The following C14orf132 variants were observed in gnomAD, a reference collection of about 807,000 sequenced individuals.
C14orf132 encodes the protein uncharacterized protein C14orf132.
Under a neutral mutation model 5.8 loss-of-function variants are expected in C14orf132, and 6 were observed. The observed-to-expected ratio is 1.03, with a 90% CI of 0.57 to 2.04. The LOEUF (loss-of-function observed/expected upper bound fraction) is 2.04. Ranked by LOEUF, C14orf132 falls within the 30% of genes most tolerant of loss-of-function variation. The probability of loss-of-function intolerance (pLI) is 0.00; values close to 1 mark genes in which losing one functional copy is unlikely to be tolerated. For synonymous variants in C14orf132, 51 were observed against 49.8 expected (o/e 1.02, Z -0.10); for missense variants, 125 against 115.8 (o/e 1.08, Z -0.37).
chr14:96,059,387 A>G (rs903730563), intron 1 of C14orf132, among the ~76,000 whole-genome samples: 2 of 152,222 alleles, frequency 1.3e-5, no homozygotes, highest in Non-Finnish European at 2.9e-5. Flanking sequence ...TAGTAATGAC[A>G]CAGCTTGACA....
At chr14:96,057,487 A>G (rs1037588569) in intron 1 of C14orf132, among the ~76,000 whole-genome samples, 1 of 152,204 alleles carries the variant, frequency 6.6e-6, no homozygotes, top group Non-Finnish European at 1.5e-5. Context: ...ACCGGTTCCA[A>G]TGGCTGGAGC....
rs1888396916 is a variant in C14orf132 at position 96,091,279 on chromosome 14, A to C, written c.*4544A>C. The C allele has an allele frequency of 2.9e-6, 1 of 344,994 alleles. No individual in the cohort carries two copies. Among genetic ancestry groups the C allele is most frequent in the East Asian group, 7.7e-5 (1 of 13,044 alleles). 21.4% of individuals were successfully genotyped at this position (344,994 alleles called of 1,614,324 possible). On this transcript the variant is annotated 3_prime_UTR_variant, in exon 2 of 2. Coordinates refer to ENST00000555004, the MANE Select transcript of C14orf132 (RefSeq NM_001252507.3). ...GAAGAGCTTATAGCCAGATTGCCAC[A>C]TTCAAGTGTAAGTCCAGGAAAGGGG... is the stretch of plus-strand genomic sequence containing the variant.
intron 1 of C14orf132, among the ~76,000 whole-genome samples, chr14:96,081,912 T>TTTG (rs1225834875): frequency 6.6e-6 from 1 of 152,136 alleles, no homozygotes; most frequent in African/African-American, 2.4e-5. Flanking sequence ...CAAATGTTTT[T>TTTG]TTGTTGTTGT....
At chr14:96,048,484 C>T (rs530498238) in intron 1 of C14orf132, among the ~76,000 whole-genome samples, 1 of 152,198 alleles carries the variant, frequency 6.6e-6, no homozygotes, top group South Asian at 2.1e-4. Flanking sequence ...TAATATGCAC[C>T]TAAGGCTTGA....
chr14:96,050,913 G>A (rs1180855826), intron 1 of C14orf132, among the ~76,000 whole-genome samples: 1 of 152,084 alleles, frequency 6.6e-6, no homozygotes, highest in Non-Finnish European at 1.5e-5. Context: ...GGCTGGATGT[G>A]GAATTTTCAT....
chr14:96,044,886 ACT>A lies in C14orf132; in HGVS notation c.27+5362_27+5363del, dbSNP rs537178413. Among the ~76,000 whole-genome samples, 54 of 152,132 alleles carry A rather than the reference ACT, an allele frequency of 3.5e-4. 1 individual carries two copies. Among genetic ancestry groups the A allele is most frequent in the African/African-American group, 1.2e-3 (51 of 41,504 alleles). ...TCTTAACTTGATTACATCTGCAGAG[ACT>A]CTGTTTCTAAATAAGGACATATTCA... On this transcript the variant is annotated intron_variant, in intron 1 of 1. Transcript: ENST00000555004.
intron 1 of C14orf132, among the ~76,000 whole-genome samples, chr14:96,044,568 A>G (rs1886783855): frequency 6.6e-6 from 1 of 152,170 alleles, no homozygotes; most frequent in Non-Finnish European, 1.5e-5. Flanking sequence ...GTTTAAAACA[A>G]CAGAAATTCA....
intron 1 of C14orf132, among the ~76,000 whole-genome samples, chr14:96,071,481 C>T (rs1887704957): frequency 6.6e-6 from 1 of 152,202 alleles, no homozygotes; most frequent in South Asian, 2.1e-4. Flanking sequence ...GCAAGCAAGC[C>T]AGTCTCTTCT....
At chr14:96,083,813 G>A (rs753088508) in intron 1 of C14orf132, among the ~76,000 whole-genome samples, 14 of 152,342 alleles carry the variant, frequency 9.2e-5, no homozygotes, top group South Asian at 4.1e-4. Flanking sequence ...GCAGCGACAG[G>A]AAACTGACCT....
At chr14:96,049,525 TAC>T (rs1886941603) in intron 1 of C14orf132, among the ~76,000 whole-genome samples, 3 of 138,446 alleles carry the variant, frequency 2.2e-5, no homozygotes, top group Non-Finnish European at 3.1e-5. Flanking sequence ...CGTATATATA[TAC>T]ACATATATAC....
chr14:96,051,332 G>T, intron 1 of C14orf132: 1 of 397,336 alleles, frequency 2.5e-6, no homozygotes, highest in Non-Finnish European at 4.4e-6. Context: ...AGCAGAGATG[G>T]GTTCTTTAGG....
At position 96,039,545 on chromosome 14, in the gene C14orf132, C is replaced by A; in HGVS notation, c.27+18C>A. The A allele has an allele frequency of 6.7e-7, 1 of 1,499,702 alleles. No individual in the cohort carries two copies. The highest frequency in any genetic ancestry group is 2.7e-5 in the East Asian group (1 of 37,126). The allele number at this position is 1,499,702 out of a possible 1,614,324, so 92.9% of individuals were successfully genotyped here. A position where few individuals can be genotyped will look rare whatever the true frequency, so the allele number is the denominator to read the frequency against. On this transcript the variant is annotated intron_variant, in intron 1 of 1. Coordinates refer to ENST00000555004, the MANE Select transcript of C14orf132 (RefSeq NM_001252507.3). This position sits in a 1 kb window ranked among gnomAD's most constrained non-coding sequence, Gnocchi z 5.3. ...CCGCGCAGGTAACGGGGCGTCCCCCCCACGCGCCCCGGGCCGCCAAGTTTG... is the reference window on the plus strand; with the variant it reads ...CCGCGCAGGTAACGGGGCGTCCCCCACACGCGCCCCGGGCCGCCAAGTTTG...
chr14:96,053,951 C>A (rs1439901029), intron 1 of C14orf132, among the ~76,000 whole-genome samples: 3 of 152,180 alleles, frequency 2.0e-5, no homozygotes, highest in Non-Finnish European at 4.4e-5. Context: ...GCATAGGAGA[C>A]CCTCAGGGCT....
intron 1 of C14orf132, among the ~76,000 whole-genome samples, chr14:96,074,626 C>G (rs567941780): frequency 6.6e-6 from 1 of 151,190 alleles, no homozygotes; most frequent in South Asian, 2.1e-4. Flanking sequence ...TTCTGTCTCT[C>G]TATATATTGT....
At chr14:96,054,617 G>A (rs1401940515) in intron 1 of C14orf132, among the ~76,000 whole-genome samples, 2 of 152,168 alleles carry the variant, frequency 1.3e-5, no homozygotes, top group African/African-American at 4.8e-5. Context: ...AAACTGTGCA[G>A]GGCAGCATGG....
chr14:96,061,509 G>A lies in C14orf132; in HGVS notation c.27+21982G>A, dbSNP rs952322994. 5.3e-5 allele frequency among the ~76,000 whole-genome samples: 8 copies of A among 152,314 alleles called. No homozygotes were observed. In the South Asian group the frequency reaches 1.7e-3, roughly 32 times the overall value. Reference sequence around the variant, plus strand: ...AGAGCTAGAGCTGTGTGTGATGAACGTCTGCAGTGGCAGATATGATTCACT... The same window carrying A: ...AGAGCTAGAGCTGTGTGTGATGAACATCTGCAGTGGCAGATATGATTCACT... On this transcript the variant is annotated intron_variant, in intron 1 of 1. Coordinates refer to ENST00000555004, the MANE Select transcript of C14orf132 (RefSeq NM_001252507.3).
chr14:96,043,068 C>T (rs536821165), intron 1 of C14orf132, among the ~76,000 whole-genome samples: 1 of 152,354 alleles, frequency 6.6e-6, no homozygotes, highest in South Asian at 2.1e-4. Flanking sequence ...CCCTCCTGGA[C>T]ATGCTTGCTG....
intron 1 of C14orf132, among the ~76,000 whole-genome samples, chr14:96,047,609 GC>G (rs1368316393): frequency 6.6e-6 from 1 of 152,134 alleles, no homozygotes; most frequent in Non-Finnish European, 1.5e-5. Context: ...CCTTGCAATG[GC>G]CCCTTGGAAT....
chr14:96,059,758 A>T (rs960094024), intron 1 of C14orf132, among the ~76,000 whole-genome samples: 3 of 152,034 alleles, frequency 2.0e-5, no homozygotes, highest in African/African-American at 7.2e-5. Flanking sequence ...GGTGCTTCTC[A>T]CCTGGGGGGT....
Sources: allele counts gnomAD v4.1 joint callset (sites outside exome capture counted in the v4.1 genomes callset), GRCh38; gene constraint gnomAD v4.1.1; non-coding constraint Gnocchi (gnomAD v3.1); transcripts MANE v1.5; gene names NCBI Gene and HGNC (gene_info 2026-07-23, HGNC 2026-07-21).